OR6J1: variants seen among roughly 807,000 people sequenced by gnomAD.
OR6J1 encodes olfactory receptor family 6 subfamily J member 1.
For synonymous variants in OR6J1, 109 were observed against 70.0 expected (o/e 1.56, Z -2.78); for missense variants, 304 against 166.8 (o/e 1.82, Z -4.53).
intron 1 of OR6J1, among the ~76,000 whole-genome samples, chr14:22,640,714 T>A (rs1009327273): frequency 6.6e-6 from 1 of 151,332 alleles, no homozygotes; most frequent in Non-Finnish European, 1.5e-5. Flanking sequence ...AGCTATGGGA[T>A]CTCACTATGT....
In OR6J1 at chr14:22,634,536, G is replaced by A. The variant is rs561293490; in HGVS notation, c.276C>T (p.Ser92=). The change falls in exon 2 of 2, where the codon TCC becomes TCT. Residue 92 remains serine (S), a synonymous_variant. Coordinates refer to ENST00000540461, the MANE Select transcript of OR6J1 (RefSeq NM_001348233.2). ...AGCACTGGGTGATACATCCGGCAAA[G>A]GAGATGGTTTTATCCCTAGATCCTA... ...ANLGSRDKTI[S]FAGCITQCYF... 25 of 704,630 alleles carry A rather than the reference G, an allele frequency of 3.5e-5. No homozygotes were observed. The East Asian group carries it at 5.9e-4, about 17-fold the overall frequency. The allele number at this position is 704,630 out of a possible 1,614,324, so 43.6% of individuals were successfully genotyped here.
chr14:22,640,243 AAGG>A (rs2037634037), intron 1 of OR6J1, among the ~76,000 whole-genome samples: 15 of 99,886 alleles, frequency 1.5e-4, no homozygotes, highest in Non-Finnish European at 2.2e-4. Flanking sequence ...GGAAGGATGG[AAGG>A]AAGGAAGGAA....
rs1436565746 is a variant in OR6J1, at chr14:22,638,080, C to T, written c.-27-3242G>A. Among the ~76,000 whole-genome samples, 10 of 97,958 alleles carry T rather than the reference C, an allele frequency of 1.0e-4. 1 individual carries two copies. The highest frequency in any genetic ancestry group is 5.1e-4 in the East Asian group (2 of 3,924). The allele number at this position is 97,958 out of a possible 152,430, so 64.3% of individuals were successfully genotyped here. A position where few individuals can be genotyped will look rare whatever the true frequency, so the allele number is the denominator to read the frequency against. On this transcript the variant is annotated intron_variant, in intron 1 of 1. Transcript: ENST00000540461. ...GCCGCCCCATCCGGGAGGTGAGGGG[C>T]GCTTCTGCCCGGCCGCCCCTACTGG...
At chr14:22,638,764 G>C (rs1432249598) in intron 1 of OR6J1, among the ~76,000 whole-genome samples, 1 of 152,182 alleles carries the variant, frequency 6.6e-6, no homozygotes, top group Non-Finnish European at 1.5e-5. Flanking sequence ...TGTTGACGAG[G>C]ATGTGGAGAC....
Position 22,638,677 on chromosome 14 carries a change from A to C in OR6J1, c.-27-3839T>G, listed in dbSNP as rs928987620. On this transcript the variant is annotated intron_variant, in intron 1 of 1. Coordinates refer to ENST00000540461, the MANE Select transcript of OR6J1 (RefSeq NM_001348233.2). ...AAAAAATAAAAATAAAAAAAAAATA[A>C]AAAAAATTAAGACACTAGCAAGATA... Among the ~76,000 whole-genome samples the C allele has an allele frequency of 1.3e-5, 2 of 149,554 alleles. 1 individual carries two copies. Among genetic ancestry groups the C allele is most frequent in the South Asian group, 4.2e-4 (2 of 4,782 alleles).
rs1321876347 is a variant in OR6J1 at position 22,631,723 on chromosome 14, T to C, written c.*2045A>G. 1 of 153,026 alleles carries C rather than the reference T, an allele frequency of 6.5e-6. No homozygotes were observed. Among genetic ancestry groups the C allele is most frequent in the Non-Finnish European group, 1.5e-5 (1 of 68,420 alleles). 9.5% of individuals were successfully genotyped at this position (153,026 alleles called of 1,614,324 possible). On this transcript the variant is annotated 3_prime_UTR_variant, in exon 2 of 2. Transcript: ENST00000540461. ...ACAAGGGTATTCATTGGGGAAGTGA[T>C]AAGTGTCCATGAAATCTTCACTATC...
At position 22,634,093 on chromosome 14, in the gene OR6J1, C is replaced by T; in HGVS notation, c.719G>A (p.Cys240Tyr). ...ASGRKKAFNT[C>Y]ASHLTIVIIS... ...GATGACTATGGTCAGGTGGGAAGCA[C>T]AGGTATTAAAGGCCTTCTTCCTTCC... is the stretch of plus-strand genomic sequence containing the variant. The change falls in exon 2 of 2, where the codon TGT becomes TAT. Residue 240 changes from cysteine to tyrosine, a missense_variant. Transcript: ENST00000540461. 1.4e-6 allele frequency: 1 copy of T among 703,032 alleles called. No homozygotes were observed. Among genetic ancestry groups the T allele is most frequent in the Non-Finnish European group, 2.6e-6 (1 of 384,886 alleles). 43.5% of individuals were successfully genotyped at this position (703,032 alleles called of 1,614,324 possible). A position where few individuals can be genotyped will look rare whatever the true frequency, so the allele number is the denominator to read the frequency against.
At chr14:22,642,102 C>A (rs377720832) in intron 1 of OR6J1, among the ~76,000 whole-genome samples, 1 of 152,008 alleles carries the variant, frequency 6.6e-6, no homozygotes, top group South Asian at 2.1e-4. Context: ...AACCTGTCCT[C>A]ACGACCTGCC....
chr14:22,637,112 TG>T (rs2037594565), intron 1 of OR6J1, among the ~76,000 whole-genome samples: 1 of 117,166 alleles, frequency 8.5e-6, no homozygotes, highest in African/African-American at 5.4e-5. Context: ...CAACCCTGTC[TG>T]AGAGGTGAGG....
rs551770388 is a variant in OR6J1 at position 22,633,324 on chromosome 14, C to G, written c.*444G>C. ...ACCCAACACAATCATTGCAAATGCC[C>G]GAAAAAAAAATGGATATGATAGTGG... On this transcript the variant is annotated 3_prime_UTR_variant, in exon 2 of 2. Coordinates refer to ENST00000540461, the MANE Select transcript of OR6J1 (RefSeq NM_001348233.2). 27 of 138,284 alleles carry G rather than the reference C, an allele frequency of 2.0e-4. No individual in the cohort carries two copies. Among genetic ancestry groups the G allele is most frequent in the Middle Eastern group, 6.9e-3 (2 of 288 alleles). The allele number at this position is 138,284 out of a possible 1,614,324, so 8.6% of individuals were successfully genotyped here.
At position 22,636,543 on chromosome 14, in the gene OR6J1, TGCGATTGCAG is replaced by T. The variant is rs1174788697; in HGVS notation, c.-27-1715_-27-1706del. Among the ~76,000 whole-genome samples the T allele has an allele frequency of 9.9e-4, 112 of 113,340 alleles. 4 individuals carry two copies. The East Asian group carries it at 0.013, about 13-fold the overall frequency. The allele number at this position is 113,340 out of a possible 152,430, so 74.4% of individuals were successfully genotyped here. A position where few individuals can be genotyped will look rare whatever the true frequency, so the allele number is the denominator to read the frequency against. On this transcript the variant is annotated intron_variant, in intron 1 of 1. Transcript: ENST00000540461. ...CTCCTGCCTCAGCCTGCTGAGTGCCTGCGATTGCAGGCGCACGCCGCCACGCCTCACTGGT... is the reference window on the plus strand; with the variant it reads ...CTCCTGCCTCAGCCTGCTGAGTGCCTGCGCACGCCGCCACGCCTCACTGGT...
Position 22,634,293 on chromosome 14 carries a change from A to G in OR6J1, c.519T>C (p.Ile173=). ...SQLPFCGSNI[I]NHFFCDSGPL... is the part of the protein sequence containing the mutation. ...GTCCACTGTCACAGAAGAAGTGGTT[A>G]ATGATATTGGAGCCACAGAAGGGCA... Residue 173 remains isoleucine, a synonymous_variant, in exon 2 of 2, where the codon ATT becomes ATC. Transcript: ENST00000540461. The G allele has an allele frequency of 1.4e-6, 1 of 703,382 alleles. No individual in the cohort carries two copies. Among genetic ancestry groups the G allele is most frequent in the Non-Finnish European group, 2.6e-6 (1 of 385,022 alleles). The allele number at this position is 703,382 out of a possible 1,614,324, so 43.6% of individuals were successfully genotyped here. A position where few individuals can be genotyped will look rare whatever the true frequency, so the allele number is the denominator to read the frequency against.
intron 1 of OR6J1, among the ~76,000 whole-genome samples, chr14:22,641,047 T>A (rs2037641101): frequency 6.6e-6 from 1 of 150,824 alleles, no homozygotes; most frequent in African/African-American, 2.4e-5. Flanking sequence ...CATGCAGCTG[T>A]TGTCCCAGCT....
Position 22,634,348 on chromosome 14 carries a change from A to G in OR6J1, c.464T>C (p.Val155Ala), listed in dbSNP as rs1002836449. ...GGAGATGAGGATGGTTGGAAAGAGC[A>G]CAGACAGGAAGCCTCCCACCCAAGA... ...VFSWVGGFLS[V>A]LFPTILISQL... Residue 155 changes from valine to alanine, a missense_variant, in exon 2 of 2, where the codon GTG becomes GCG. By Grantham distance (64) the Val-to-Ala change is moderately conservative. Coordinates refer to ENST00000540461, the MANE Select transcript of OR6J1 (RefSeq NM_001348233.2). 1 of 703,258 alleles carries G rather than the reference A, an allele frequency of 1.4e-6. No homozygotes were observed. Among genetic ancestry groups the G allele is most frequent in the African/African-American group, 1.7e-5 (1 of 57,234 alleles). 43.6% of individuals were successfully genotyped at this position (703,258 alleles called of 1,614,324 possible). A position where few individuals can be genotyped will look rare whatever the true frequency, so the allele number is the denominator to read the frequency against.
Position 22,634,156 on chromosome 14 carries a change from T to G in OR6J1, c.656A>C (p.Tyr219Ser). Reference protein sequence around the residue: ...CIVLVAYSYTYIILTIVRIPS... With the variant: ...CIVLVAYSYTSIILTIVRIPS... ...AATGCGCACTATGGTCAAGATGATGTACGTATAGGAATAGGCCACGAGGAC... is the reference window on the plus strand; with the variant it reads ...AATGCGCACTATGGTCAAGATGATGGACGTATAGGAATAGGCCACGAGGAC... Residue 219 changes from tyrosine to serine, a missense_variant, in exon 2 of 2, where the codon TAC (tyrosine) becomes TCC (serine). Coordinates refer to ENST00000540461, the MANE Select transcript of OR6J1 (RefSeq NM_001348233.2). The G allele has an allele frequency of 1.4e-6, 1 of 703,374 alleles. No homozygotes were observed. Among genetic ancestry groups the G allele is most frequent in the Non-Finnish European group, 2.6e-6 (1 of 384,964 alleles). 43.6% of individuals were successfully genotyped at this position (703,374 alleles called of 1,614,324 possible).
At chr14:22,641,120 C>T (rs1427976498) in intron 1 of OR6J1, among the ~76,000 whole-genome samples, 1 of 150,218 alleles carries the variant, frequency 6.7e-6, no homozygotes, top group Admixed American at 6.7e-5. Context: ...CATGATCACA[C>T]AGCACTGCAC....
intron 1 of OR6J1, among the ~76,000 whole-genome samples, chr14:22,636,650 G>T (rs1371033015): frequency 8.8e-6 from 1 of 114,248 alleles, no homozygotes; most frequent in Admixed American, 8.0e-5. Flanking sequence ...TCCTAGCCAC[G>T]AGTGATCCGC....
chr14:22,638,180 T>G (rs1328154730), intron 1 of OR6J1, among the ~76,000 whole-genome samples: 1 of 78,048 alleles, frequency 1.3e-5, no homozygotes, highest in Non-Finnish European at 2.4e-5. Context: ...GGATGGGCCA[T>G]GATGACAATG....
chr14:22,635,910 C>T (rs1048664556), intron 1 of OR6J1, among the ~76,000 whole-genome samples: 1 of 151,794 alleles, frequency 6.6e-6, no homozygotes, highest in African/African-American at 2.4e-5. Context: ...CAAAAAAGTG[C>T]TAAACAGAAA....
Sources: allele counts gnomAD v4.1 joint callset (sites outside exome capture counted in the v4.1 genomes callset), GRCh38; gene constraint gnomAD v4.1.1; transcripts MANE v1.5; gene names NCBI Gene and HGNC (gene_info 2026-07-23, HGNC 2026-07-21).